FRAS1: variants seen among roughly 807,000 people sequenced by gnomAD.
The protein encoded by FRAS1 is Fraser extracellular matrix complex subunit 1, also known as extracellular matrix organizing protein FRAS1.
FRAS1 carries 290 observed loss-of-function variants against 435.2 expected under a neutral mutation model. The ratio of observed to expected loss-of-function variants is 0.67; its 90% confidence interval spans 0.61 to 0.73. FRAS1 has a LOEUF of 0.73. Ranked by LOEUF, FRAS1 falls within the 30% of genes least tolerant of loss-of-function variation. FRAS1 has a pLI of 0.00. For synonymous variants in FRAS1, 1,800 were observed against 1,851.0 expected (o/e 0.97, Z 0.71); for missense variants, 4,860 against 5,001.5 (o/e 0.97, Z 0.85).
At chr4:78,382,304 TA>T (rs1732052702) in intron 27 of FRAS1, among the ~76,000 whole-genome samples, 2 of 151,928 alleles carry the variant, frequency 1.3e-5, no homozygotes, top group South Asian at 2.1e-4. Context: ...AAATAATTTT[TA>T]AAAATGATAA....
intron 18 of FRAS1, among the ~76,000 whole-genome samples, chr4:78,327,915 A>G (rs1346464754): frequency 6.6e-6 from 1 of 152,208 alleles, no homozygotes; most frequent in Non-Finnish European, 1.5e-5. Context: ...ACTTGCAGAA[A>G]CAGAGCATTA....
intron 47 of FRAS1, among the ~76,000 whole-genome samples, chr4:78,460,192 G>A (rs1488378170): frequency 6.6e-6 from 1 of 152,184 alleles, no homozygotes; most frequent in African/African-American, 2.4e-5. Flanking sequence ...CTAACACGCT[G>A]TTAAGAAGGC....
intron 47 of FRAS1, among the ~76,000 whole-genome samples, chr4:78,456,149 T>TCTTTTTTC (rs1719191816): frequency 1.6e-5 from 1 of 61,328 alleles, no homozygotes. Flanking sequence ...TTTTTTTTTT[T>TCTTTTTTC]TTTTTTTTTT....
intron 2 of FRAS1, among the ~76,000 whole-genome samples, chr4:78,208,033 G>A (rs1723336045): frequency 6.6e-6 from 1 of 152,162 alleles, no homozygotes; most frequent in African/African-American, 2.4e-5. Flanking sequence ...GAAGGAAGTG[G>A]ATAGCTCCTG....
At position 78,411,187 on chromosome 4, in the gene FRAS1, T is replaced by C. The variant is rs193045132; in HGVS notation, c.4309-1782T>C. The stretch of plus-strand genomic sequence containing the variant: ...GTACAGTGGTGCGATCTTGGCTCAC[T>C]GCAACCTCCACCTCCCAGGTTCAAG... On this transcript the variant is annotated intron_variant, in intron 31 of 73. Transcript: ENST00000512123. Among the ~76,000 whole-genome samples, 313 of 150,182 alleles carry C rather than the reference T, an allele frequency of 2.1e-3. 1 individual carries two copies. The highest frequency in any genetic ancestry group is 7.5e-3 in the African/African-American group (307 of 40,954).
Position 78,218,098 on chromosome 4 carries a change from T to TCTCTCACACACA in FRAS1, c.109-19411_109-19410insTCTCACACACAC, listed in dbSNP as rs368430185. Among the ~76,000 whole-genome samples the TCTCTCACACACA allele has an allele frequency of 1.5e-3, 60 of 39,738 alleles. 3 individuals carry two copies. The highest frequency in any genetic ancestry group is 2.3e-3 in the Non-Finnish European group (49 of 21,594). The allele number at this position is 39,738 out of a possible 152,430, so 26.1% of individuals were successfully genotyped here. ...CCTTCTCTCTCTCTCTCACTCTCTC[T>TCTCTCACACACA]CACACACACACACACACACACACAC... On this transcript the variant is annotated intron_variant, in intron 2 of 73. Coordinates refer to ENST00000512123, the MANE Select transcript of FRAS1 (RefSeq NM_025074.7).
chr4:78,062,189 T>A (rs4507385), intron 1 of FRAS1, among the ~76,000 whole-genome samples: 75,835 of 151,804 alleles, frequency 0.5, 20,243 homozygotes, highest in African/African-American at 0.69. Context: ...TGGCTCAGAG[T>A]AGGGGAGGGG....
intron 2 of FRAS1, among the ~76,000 whole-genome samples, chr4:78,208,156 T>C (rs1262463094): frequency 6.6e-6 from 1 of 152,098 alleles, no homozygotes; most frequent in Admixed American, 6.5e-5. Context: ...GCCCGGAGCC[T>C]GATAGACCAA....
At chr4:78,287,394 T>C (rs554726893) in intron 14 of FRAS1, among the ~76,000 whole-genome samples, 81 of 152,272 alleles carry the variant, frequency 5.3e-4, no homozygotes, top group Admixed American at 2.1e-3. Flanking sequence ...GACAGAGATA[T>C]GAGTTTGTCT....
chr4:78,369,698 G>A, intron 22 of FRAS1, 140 bp from the exon 23 acceptor site: 1 of 542,456 alleles, frequency 1.8e-6, no homozygotes, highest in East Asian at 3.2e-5. Context: ...TTGATCACAG[G>A]GGAGGGCTAT....
At chr4:78,159,356 G>C (rs1311168078) in intron 2 of FRAS1, among the ~76,000 whole-genome samples, 1 of 152,148 alleles carries the variant, frequency 6.6e-6, no homozygotes, top group Non-Finnish European at 1.5e-5. Context: ...AGTATTTCTG[G>C]AGTAAGAACA....
intron 20 of FRAS1, among the ~76,000 whole-genome samples, chr4:78,358,239 TAAAAG>T (rs1362885739): frequency 6.6e-6 from 1 of 152,168 alleles, no homozygotes. Flanking sequence ...TCACTTATAA[TAAAAG>T]AAACACAAAG....
intron 2 of FRAS1, among the ~76,000 whole-genome samples, chr4:78,113,265 GT>G (rs1314314365): frequency 2.0e-5 from 3 of 152,112 alleles, no homozygotes; most frequent in Admixed American, 1.3e-4. Flanking sequence ...CTTTGCTATT[GT>G]GAATAGTGCC....
intron 60 of FRAS1, 37 bp from the exon 61 acceptor site, chr4:78,499,683 TC>T (rs766040753): frequency 4.5e-5 from 71 of 1,586,118 alleles, no homozygotes; most frequent in Non-Finnish European, 5.7e-5. Context: ...TTTGTGCTAT[TC>T]TAACTGGCTC....
At chr4:78,067,661 TTTTTC>T in intron 2 of FRAS1, among the ~76,000 whole-genome samples, 1 of 135,276 alleles carries the variant, frequency 7.4e-6, no homozygotes, top group East Asian at 2.1e-4. Flanking sequence ...TTTTTCTTTT[TTTTTC>T]TTTCTTTTAT....
chr4:78,526,651 C>A lies in FRAS1; in HGVS notation c.10919C>A (p.Pro3640Gln). 1 of 1,557,496 alleles carries A rather than the reference C, an allele frequency of 6.4e-7. No homozygotes were observed. Among genetic ancestry groups the A allele is most frequent in the Non-Finnish European group, 8.7e-7 (1 of 1,152,436 alleles). The change falls in exon 70 of 74, where the codon CCA becomes CAA. Residue 3640 changes from proline to glutamine, a missense_variant. By Grantham distance (76) the Pro-to-Gln change is moderately conservative. Transcript: ENST00000512123. ...CCTTTGGCCTGCACTGCACATGCCC[C>A]AGAAAGGTAGGAAAATATAGTCAAT... is the stretch of plus-strand genomic sequence containing the variant. ...EKPLACTAHA[P>Q]ERFLIPIAFQ...
chr4:78,158,255 G>T (rs1258299816), intron 2 of FRAS1, among the ~76,000 whole-genome samples: 1 of 152,144 alleles, frequency 6.6e-6, no homozygotes, highest in Non-Finnish European at 1.5e-5. Context: ...TTCAATCTGT[G>T]GCTTGCTTTG....
intron 9 of FRAS1, among the ~76,000 whole-genome samples, chr4:78,267,902 T>C (rs1726449682): frequency 6.6e-6 from 1 of 152,218 alleles, no homozygotes; most frequent in African/African-American, 2.4e-5. Context: ...AAACATAACA[T>C]GCTTTTTGTT....
intron 2 of FRAS1, among the ~76,000 whole-genome samples, chr4:78,223,215 C>A (rs1385337795): frequency 6.6e-6 from 1 of 152,130 alleles, no homozygotes; most frequent in Non-Finnish European, 1.5e-5. Flanking sequence ...TGGGGATGGG[C>A]TCCGCATCCC....
Sources: allele counts gnomAD v4.1 joint callset (sites outside exome capture counted in the v4.1 genomes callset), GRCh38; gene constraint gnomAD v4.1.1; transcripts MANE v1.5; gene names NCBI Gene and HGNC (gene_info 2026-07-23, HGNC 2026-07-21).